The following SHANK2 variants were observed in gnomAD, a reference collection of about 807,000 sequenced individuals.
The protein encoded by SHANK2 is SH3 and multiple ankyrin repeat domains protein 2.
Under a neutral mutation model 133.7 loss-of-function variants are expected in SHANK2, and 43 were observed. The ratio of observed to expected loss-of-function variants is 0.32; its 90% confidence interval spans 0.25 to 0.41. SHANK2 has a LOEUF of 0.41. Among genes scored for constraint, SHANK2 ranks in the 10% least tolerant of loss-of-function variants. The pLI, the probability that SHANK2 is intolerant of heterozygous loss-of-function variation, is 1.00. For synonymous variants in SHANK2, 1,017 were observed against 952.8 expected (o/e 1.07, Z -1.24); for missense variants, 1,994 against 2,235.8 (o/e 0.89, Z 2.18).
chr11:70,721,893 G>C (rs1555029284), intron 14 of SHANK2, among the ~76,000 whole-genome samples: 1 of 152,250 alleles, frequency 6.6e-6, no homozygotes, highest in Non-Finnish European at 1.5e-5. Flanking sequence ...ATCAAGGGAA[G>C]AATGTCCTTT....
At chr11:70,496,195 G>A (rs1028210260) in intron 21 of SHANK2, among the ~76,000 whole-genome samples, 5 of 152,212 alleles carry the variant, frequency 3.3e-5, no homozygotes, top group Non-Finnish European at 5.9e-5. Context: ...GGCACATCAA[G>A]GAAGGTGGGA....
intron 17 of SHANK2, chr11:70,635,152 C>T (rs2061054901): frequency 6.6e-6 from 1 of 152,204 alleles, no homozygotes; most frequent in Non-Finnish European, 1.5e-5. Context: ...GGCTGCTCCT[C>T]AAAACCTTAA....
At chr11:70,850,374 G>T (rs1369467459) in intron 11 of SHANK2, among the ~76,000 whole-genome samples, 1 of 152,160 alleles carries the variant, frequency 6.6e-6, no homozygotes, top group Admixed American at 6.5e-5. Flanking sequence ...AGTGGTTTTT[G>T]ATGCATTTTT....
At chr11:70,898,494 G>A (rs1316506412) in intron 10 of SHANK2, among the ~76,000 whole-genome samples, 1 of 152,088 alleles carries the variant, frequency 6.6e-6, no homozygotes, top group Non-Finnish European at 1.5e-5. Flanking sequence ...GATATCAGAT[G>A]GAGATGAAGA....
chr11:70,626,494 A>C (rs2060907270), intron 17 of SHANK2, among the ~76,000 whole-genome samples: 1 of 152,162 alleles, frequency 6.6e-6, no homozygotes, highest in Admixed American at 6.5e-5. Flanking sequence ...CCAGGTGGCA[A>C]GCTTTACGCC....
chr11:70,848,157 G>A (rs1347986511), intron 11 of SHANK2, among the ~76,000 whole-genome samples: 1 of 152,242 alleles, frequency 6.6e-6, no homozygotes, highest in African/African-American at 2.4e-5. Flanking sequence ...TCTCTCCACG[G>A]AGGCTTAGCG....
At position 70,762,089 on chromosome 11, in the gene SHANK2, C is replaced by T. The variant is rs530115902; in HGVS notation, c.1777+36354G>A. ...CAGCGCCCCAGAGATTCAGAGAACC[C>T]CTGACTTCGCTCCTGCTCTCTTTTC... is the stretch of plus-strand genomic sequence containing the variant. On this transcript the variant is annotated intron_variant, in intron 14 of 25. Transcript: ENST00000601538. Among the ~76,000 whole-genome samples the T allele has an allele frequency of 6.2e-4, 95 of 152,298 alleles. No individual in the cohort carries two copies. In the South Asian group the frequency reaches 0.019, roughly 30 times the overall value.
intron 15 of SHANK2, among the ~76,000 whole-genome samples, chr11:70,677,834 T>C (rs1450605083): frequency 6.6e-6 from 1 of 152,182 alleles, no homozygotes; most frequent in African/African-American, 2.4e-5. Context: ...CCCAGATGTG[T>C]GCAAACTTCT....
chr11:70,818,784 C>T (rs1331054273), intron 12 of SHANK2, among the ~76,000 whole-genome samples: 1 of 152,192 alleles, frequency 6.6e-6, no homozygotes, highest in Non-Finnish European at 1.5e-5. Flanking sequence ...AGGCCTCGAC[C>T]CTGTCTAGGG....
intron 15 of SHANK2, among the ~76,000 whole-genome samples, chr11:70,673,024 G>C (rs1555016454): frequency 1.3e-5 from 2 of 152,364 alleles, no homozygotes; most frequent in Middle Eastern, 3.4e-3. Context: ...CGCAGTGAAG[G>C]AAGCCTGAGC....
intron 11 of SHANK2, chr11:70,863,360 G>A (rs975981213): frequency 3.9e-5 from 18 of 457,886 alleles, no homozygotes; most frequent in Middle Eastern, 3.2e-4. Context: ...AACACAGCCC[G>A]ACCTCATCCT....
At chr11:70,723,045 C>T (rs187585968) in intron 14 of SHANK2, among the ~76,000 whole-genome samples, 13 of 152,250 alleles carry the variant, frequency 8.5e-5, no homozygotes, top group South Asian at 2.1e-4. Flanking sequence ...TACAAAGCAC[C>T]GTCAGACCCC....
chr11:70,582,483 C>T (rs1554985705), intron 17 of SHANK2, among the ~76,000 whole-genome samples: 1 of 152,272 alleles, frequency 6.6e-6, no homozygotes, highest in African/African-American at 2.4e-5. Context: ...TCCCTCTGAG[C>T]TCCCTATAGA....
intron 15 of SHANK2, among the ~76,000 whole-genome samples, chr11:70,673,900 G>T (rs1422863890): frequency 6.6e-6 from 1 of 152,246 alleles, no homozygotes; most frequent in Non-Finnish European, 1.5e-5. Flanking sequence ...TTAAAAGTAG[G>T]AGGCTCATAT....
intron 2 of SHANK2, among the ~76,000 whole-genome samples, chr11:71,182,143 C>CAA (rs541188589): frequency 2.8e-5 from 4 of 143,392 alleles, no homozygotes; most frequent in African/African-American, 1.0e-4. Flanking sequence ...CTTCTTTAGG[C>CAA]AAAAAAAAAA....
At chr11:71,207,305 G>A (rs1591020379) in intron 2 of SHANK2, among the ~76,000 whole-genome samples, 1 of 150,102 alleles carries the variant, frequency 6.7e-6, no homozygotes, top group African/African-American at 2.5e-5. Context: ...TCAGCCTCCC[G>A]AATAGCTGGG....
intron 14 of SHANK2, among the ~76,000 whole-genome samples, chr11:70,726,174 G>A (rs1482123369): frequency 1.1e-4 from 16 of 152,096 alleles, no homozygotes; most frequent in Non-Finnish European, 1.8e-4. Flanking sequence ...AATCTTACCC[G>A]GAACCTAACA....
In SHANK2 at chr11:70,486,405, C is replaced by A; in HGVS notation, c.3888G>T (p.Lys1296Asn). 1 of 1,613,968 alleles carries A rather than the reference C, an allele frequency of 6.2e-7. No individual in the cohort carries two copies. Reference protein sequence around the residue: ...LGRDRKGDDKKNMLIDIMDTS... With the variant: ...LGRDRKGDDKNNMLIDIMDTS... ...TGTCCATGATGTCGATCAGCATGTT[C>A]TTCTTGTCATCGCCTTTCCGGTCTC... Residue 1296 changes from lysine (K) to asparagine (N), a missense_variant, in exon 25 of 26, where the codon AAG becomes AAT. Around this residue, in one of 5 missense-constraint regions of SHANK2, gnomAD observed 797 missense variants for 907.4 expected, o/e 0.88. Transcript: ENST00000601538. This position sits in a 1 kb window ranked among gnomAD's most constrained non-coding sequence, Gnocchi z 8.0.
At chr11:70,613,760 C>CTTT (rs1443708855) in intron 17 of SHANK2, among the ~76,000 whole-genome samples, 3 of 20,388 alleles carry the variant, frequency 1.5e-4, no homozygotes, top group Non-Finnish European at 1.9e-4. Context: ...AAGAGGGGAA[C>CTTT]TTGTTTTTTT....
Sources: gnomAD v4.1 joint callset for allele counts (sites outside exome capture counted in the v4.1 genomes callset) on GRCh38, gnomAD v4.1.1 for gene constraint, gnomAD v4.1.1 regional missense constraint, Gnocchi (gnomAD v3.1) non-coding constraint, MANE v1.5 for transcripts, NCBI Gene and HGNC (gene_info 2026-07-23, HGNC 2026-07-21) for gene names.